The following KCNQ3 variants were observed in gnomAD, a reference collection of about 807,000 sequenced individuals.
KCNQ3 encodes the protein potassium voltage-gated channel subfamily Q member 3, also known as potassium voltage-gated channel subfamily KQT member 3.
Under a neutral mutation model 92.5 loss-of-function variants are expected in KCNQ3, and 30 were observed. The observed-to-expected ratio is 0.32, with a 90% CI of 0.24 to 0.44. The LOEUF is 0.44. Ranked by LOEUF, KCNQ3 falls within the 20% of genes least tolerant of loss-of-function variation. The pLI is 1.00. For missense variants in KCNQ3, 913 were observed against 1,140.3 expected, an observed-to-expected ratio of 0.80 and a Z score of 2.87; for synonymous variants, 450 against 468.8, an observed-to-expected ratio of 0.96 and a Z score of 0.52.
At chr8:132,406,976 C>A (rs187869634) in intron 1 of KCNQ3, among the ~76,000 whole-genome samples, 2 of 152,182 alleles carry the variant, frequency 1.3e-5, no homozygotes, top group African/African-American at 4.8e-5. Context: ...ACATTTCTTT[C>A]CCCTTTTATG....
chr8:132,254,926 A>T (rs1428761565), intron 1 of KCNQ3, among the ~76,000 whole-genome samples: 1 of 152,040 alleles, frequency 6.6e-6, no homozygotes, highest in East Asian at 1.9e-4. Context: ...TGAAGTAAGG[A>T]CCTCCTAAAG....
At chr8:132,305,469 C>G (rs1228337632) in intron 1 of KCNQ3, among the ~76,000 whole-genome samples, 1 of 152,144 alleles carries the variant, frequency 6.6e-6, no homozygotes, top group Non-Finnish European at 1.5e-5. Context: ...TTGAGACATT[C>G]TTGAGATTTT....
At position 132,341,842 on chromosome 8, in the gene KCNQ3, T is replaced by C. The variant is rs1216296319; in HGVS notation, c.386+138305A>G. ...CCTATACAAAACTCTCAGGCATCCA[T>C]GCAGTTTTTACCTGGCAAAAATAAT... On this transcript the variant is annotated intron_variant, in intron 1 of 14. Coordinates refer to ENST00000388996, the MANE Select transcript of KCNQ3 (RefSeq NM_004519.4). Among the ~76,000 whole-genome samples, 5 of 152,216 alleles carry C rather than the reference T, an allele frequency of 3.3e-5. No individual in the cohort carries two copies. In the East Asian group the frequency reaches 5.8e-4, roughly 18 times the overall value.
intron 13 of KCNQ3, among the ~76,000 whole-genome samples, chr8:132,132,587 T>G (rs1224657257): frequency 6.6e-6 from 1 of 152,246 alleles, no homozygotes; most frequent in African/African-American, 2.4e-5. Flanking sequence ...TCCTTTAAAT[T>G]AAATTCCTTA....
intron 4 of KCNQ3, among the ~76,000 whole-genome samples, chr8:132,176,744 T>G (rs1235835938): frequency 1.3e-5 from 2 of 152,298 alleles, no homozygotes; most frequent in Admixed American, 1.3e-4. Flanking sequence ...ACTATGAAAT[T>G]TTTCTAGATG....
intron 9 of KCNQ3, among the ~76,000 whole-genome samples, chr8:132,149,489 A>G (rs575462834): frequency 6.6e-6 from 1 of 152,282 alleles, no homozygotes; most frequent in African/African-American, 2.4e-5. Context: ...TTCTTCCTAC[A>G]ACATTTTTTT....
intron 1 of KCNQ3, among the ~76,000 whole-genome samples, chr8:132,218,486 A>C (rs1488113678): frequency 6.6e-6 from 1 of 152,236 alleles, no homozygotes; most frequent in Non-Finnish European, 1.5e-5. Flanking sequence ...GACAGAAACA[A>C]TCATAGAATA....
In KCNQ3 at chr8:132,204,146, C is replaced by T. The variant is rs182583728; in HGVS notation, c.387-17965G>A. 3.0e-3 allele frequency among the ~76,000 whole-genome samples: 461 copies of T among 152,262 alleles called. 2 individuals carry two copies. The highest frequency in any genetic ancestry group is 5.4e-3 in the Non-Finnish European group (366 of 68,010). On this transcript the variant is annotated intron_variant, in intron 1 of 14. Coordinates refer to ENST00000388996, the MANE Select transcript of KCNQ3 (RefSeq NM_004519.4). Reference sequence around the variant, plus strand: ...AATGTGCATCTTAGAACTGATGAAACGGAAGTAGGTAAAAGTTCTTTATAA... The same window carrying T: ...AATGTGCATCTTAGAACTGATGAAATGGAAGTAGGTAAAAGTTCTTTATAA...
chr8:132,428,119 G>A (rs1437524366), intron 1 of KCNQ3, among the ~76,000 whole-genome samples: 4 of 151,756 alleles, frequency 2.6e-5, no homozygotes, highest in South Asian at 2.1e-4. Flanking sequence ...TCGACTTCTC[G>A]GTCTCTGCAC....
intron 1 of KCNQ3, among the ~76,000 whole-genome samples, chr8:132,473,874 A>C (rs950983516): frequency 2.0e-5 from 3 of 152,348 alleles, no homozygotes; most frequent in African/African-American, 7.2e-5. Flanking sequence ...TAAGTCCACT[A>C]GGCAGGCCCT....
At chr8:132,172,215 A>G (rs1273298044) in intron 7 of KCNQ3, among the ~76,000 whole-genome samples, 1 of 152,012 alleles carries the variant, frequency 6.6e-6, no homozygotes, top group Non-Finnish European at 1.5e-5. Context: ...AAAAAAGCTG[A>G]TAGGTTGGTC....
chr8:132,466,382 G>A (rs977076281), intron 1 of KCNQ3, among the ~76,000 whole-genome samples: 9 of 151,570 alleles, frequency 5.9e-5, no homozygotes. Context: ...TGTCATTGGC[G>A]CCCTTCCCAT....
At chr8:132,194,949 G>A (rs1301635154) in intron 1 of KCNQ3, among the ~76,000 whole-genome samples, 1 of 152,132 alleles carries the variant, frequency 6.6e-6, no homozygotes, top group Non-Finnish European at 1.5e-5. Flanking sequence ...TTTATCTCTG[G>A]TAAATCAAAG....
chr8:132,411,716 A>G (rs116351467), intron 1 of KCNQ3, among the ~76,000 whole-genome samples: 4,097 of 152,274 alleles, frequency 0.027, 201 homozygotes, highest in African/African-American at 0.093. Flanking sequence ...CAAAGGAACT[A>G]GAAGCTGGTC....
chr8:132,367,198 C>T (rs919509214), intron 1 of KCNQ3, among the ~76,000 whole-genome samples: 1 of 152,206 alleles, frequency 6.6e-6, no homozygotes, highest in Non-Finnish European at 1.5e-5. Context: ...TTGGAGGTAG[C>T]TGTATACAAT....
At chr8:132,230,895 A>G (rs993350427) in intron 1 of KCNQ3, among the ~76,000 whole-genome samples, 4 of 152,186 alleles carry the variant, frequency 2.6e-5, no homozygotes, top group African/African-American at 9.7e-5. Context: ...GTCCTAATCC[A>G]CAGTACCTCA....
At chr8:132,326,254 G>A (rs1012309758) in intron 1 of KCNQ3, among the ~76,000 whole-genome samples, 3 of 152,140 alleles carry the variant, frequency 2.0e-5, no homozygotes, top group Admixed American at 2.0e-4. Context: ...AAGGAGACAG[G>A]CTACCAAATA....
chr8:132,278,918 T>TA (rs1816424543), intron 1 of KCNQ3, among the ~76,000 whole-genome samples: 1 of 152,088 alleles, frequency 6.6e-6, no homozygotes, highest in Non-Finnish European at 1.5e-5. Flanking sequence ...AGGGGCTTCA[T>TA]AAAAAAGTGC....
intron 1 of KCNQ3, among the ~76,000 whole-genome samples, chr8:132,412,558 T>C (rs1468204025): frequency 1.3e-5 from 2 of 152,180 alleles, no homozygotes; most frequent in Non-Finnish European, 2.9e-5. Flanking sequence ...CCACCTGAGC[T>C]GTCTGAAGGT....
Sources: gnomAD v4.1 joint callset for allele counts (sites outside exome capture counted in the v4.1 genomes callset) on GRCh38, gnomAD v4.1.1 for gene constraint, MANE v1.5 for transcripts, NCBI Gene and HGNC (gene_info 2026-07-23, HGNC 2026-07-21) for gene names.